SENP6: variants seen among roughly 807,000 people sequenced by gnomAD.
The protein encoded by SENP6 is SUMO specific peptidase 6.
In SENP6, 41 loss-of-function variants were observed where a neutral mutation model predicts 134.5. The observed-to-expected ratio is 0.30, with a 90% CI of 0.24 to 0.40. The LOEUF (loss-of-function observed/expected upper bound fraction) is 0.40, where lower values mean the gene tolerates loss of function less well. Among genes scored for constraint, SENP6 ranks in the 10% least tolerant of loss-of-function variants. SENP6 has a pLI of 1.00. For missense variants in SENP6, 1,248 were observed against 1,312.5 expected (o/e 0.95, Z 0.76); for synonymous variants, 395 against 429.8 (o/e 0.92, Z 1.00).
chr6:75,711,695 C>CA (rs544752152), intron 21 of SENP6, among the ~76,000 whole-genome samples: 335 of 152,280 alleles, frequency 2.2e-3, no homozygotes, highest in Middle Eastern at 0.01. Context: ...TTTTTTGAGA[C>CA]AGAGTCTTGC....
chr6:75,694,736 T>C (rs531320873), intron 16 of SENP6, among the ~76,000 whole-genome samples: 1 of 152,384 alleles, frequency 6.6e-6, no homozygotes, highest in East Asian at 1.9e-4. Context: ...ATTTCAGATA[T>C]TTCATTGTAT....
chr6:75,609,294 A>C (rs766151227), intron 1 of SENP6, among the ~76,000 whole-genome samples: 11 of 152,206 alleles, frequency 7.2e-5, no homozygotes, highest in Non-Finnish European at 1.3e-4. Context: ...GAACAAGAGA[A>C]GGAAAAATAA....
Position 75,666,837 on chromosome 6 carries a change from C to T in SENP6, c.1120C>T (p.Leu374=). ...ATCCACTGGAAAAGTAGAAGCAGCG[C>T]TAAATGAAAATACTTGCAGAGCAGA... ...APSTGKVEAA[L]NENTCRAERE... is the part of the protein sequence containing the mutation. Residue 374 remains leucine (L), a synonymous_variant, in exon 10 of 24, where the codon CTA becomes TTA. Coordinates refer to ENST00000447266, the MANE Select transcript of SENP6 (RefSeq NM_015571.4). The T allele has an allele frequency of 6.2e-7, 1 of 1,613,742 alleles. No homozygotes were observed. The highest frequency in any genetic ancestry group is 8.5e-7 in the Non-Finnish European group (1 of 1,179,700).
chr6:75,639,621 C>G (rs1464498270), intron 5 of SENP6, among the ~76,000 whole-genome samples: 1 of 151,830 alleles, frequency 6.6e-6, no homozygotes, highest in African/African-American at 2.4e-5. Flanking sequence ...TCATTTTATT[C>G]TAAATTGAGG....
chr6:75,692,332 A>G (rs1206866304), intron 16 of SENP6, among the ~76,000 whole-genome samples: 3 of 152,174 alleles, frequency 2.0e-5, no homozygotes, highest in Non-Finnish European at 4.4e-5. Flanking sequence ...TTAAAAGCAT[A>G]AATTAGGCCA....
At chr6:75,647,241 G>A (rs1306347934) in intron 6 of SENP6, 3 of 152,016 alleles carry the variant, frequency 2.0e-5, no homozygotes, top group Non-Finnish European at 2.9e-5. Flanking sequence ...AATTAGTGTT[G>A]TGTTTAAATA....
intron 3 of SENP6, among the ~76,000 whole-genome samples, chr6:75,631,661 A>G (rs1361034634): frequency 6.6e-6 from 1 of 152,238 alleles, no homozygotes; most frequent in Non-Finnish European, 1.5e-5. Flanking sequence ...TTATTTATAA[A>G]TTGTCTATGG....
chr6:75,622,084 C>G (rs1228197713), intron 2 of SENP6, among the ~76,000 whole-genome samples: 1 of 152,142 alleles, frequency 6.6e-6, no homozygotes, highest in Non-Finnish European at 1.5e-5. Flanking sequence ...AGGTCAGATT[C>G]TCACCAGAGA....
At chr6:75,673,889 C>CG (rs545651177) in intron 11 of SENP6, among the ~76,000 whole-genome samples, 387 of 151,648 alleles carry the variant, frequency 2.6e-3, no homozygotes, top group Middle Eastern at 0.01. Context: ...GGTGTGGTGG[C>CG]GTGCACCCGT....
chr6:75,609,091 G>A (rs927277966), intron 1 of SENP6, among the ~76,000 whole-genome samples: 1 of 151,340 alleles, frequency 6.6e-6, no homozygotes, highest in African/African-American at 2.4e-5. Context: ...AGGAACTTGA[G>A]GTATAGAAGG....
At chr6:75,643,921 C>G (rs189997931) in intron 6 of SENP6, among the ~76,000 whole-genome samples, 18 of 152,138 alleles carry the variant, frequency 1.2e-4, no homozygotes, top group African/African-American at 4.1e-4. Context: ...TAAAGCAAGG[C>G]AAACAACAAT....
chr6:75,637,130 C>T (rs1026138729), intron 5 of SENP6, among the ~76,000 whole-genome samples: 9 of 152,124 alleles, frequency 5.9e-5, no homozygotes, highest in Non-Finnish European at 1.2e-4. Flanking sequence ...CCTGCCTCAG[C>T]ACCGTAAAGT....
At chr6:75,639,956 TCTC>T (rs1227385410) in intron 5 of SENP6, among the ~76,000 whole-genome samples, 2 of 152,226 alleles carry the variant, frequency 1.3e-5, no homozygotes, top group Admixed American at 6.5e-5. Flanking sequence ...ACAACAGTAG[TCTC>T]CTCCTTATTT....
intron 16 of SENP6, among the ~76,000 whole-genome samples, chr6:75,690,241 C>T (rs1357786651): frequency 6.6e-6 from 1 of 152,228 alleles, no homozygotes; most frequent in Non-Finnish European, 1.5e-5. Flanking sequence ...CATATTTGCA[C>T]ACCCATGTTC....
chr6:75,655,826 A>G (rs992922766), intron 7 of SENP6, among the ~76,000 whole-genome samples: 1 of 152,078 alleles, frequency 6.6e-6, no homozygotes, highest in African/African-American at 2.4e-5. Context: ...AATGTCTTCT[A>G]TTTATATCGA....
chr6:75,612,851 C>T (rs1052256570), intron 1 of SENP6, among the ~76,000 whole-genome samples: 2 of 152,136 alleles, frequency 1.3e-5, no homozygotes, highest in African/African-American at 4.8e-5. Flanking sequence ...CAGTGGCTCA[C>T]GTCTGTAATC....
At chr6:75,649,397 G>T (rs1770695632) in intron 7 of SENP6, among the ~76,000 whole-genome samples, 1 of 152,154 alleles carries the variant, frequency 6.6e-6, no homozygotes, top group African/African-American at 2.4e-5. Context: ...AGCCAGGCTT[G>T]TTACCAATAA....
intron 3 of SENP6, among the ~76,000 whole-genome samples, chr6:75,628,524 T>C (rs1042970539): frequency 3.3e-5 from 5 of 152,184 alleles, no homozygotes; most frequent in African/African-American, 4.8e-5. Flanking sequence ...TTAGTTCATC[T>C]ATTCATTAAT....
chr6:75,604,521 A>AC (rs1766878973), intron 1 of SENP6, among the ~76,000 whole-genome samples: 1 of 151,802 alleles, frequency 6.6e-6, no homozygotes, highest in South Asian at 2.1e-4. Flanking sequence ...AGTCCCAGCT[A>AC]CTGCGGAGGC....
Sources: gnomAD v4.1 joint callset for allele counts (sites outside exome capture counted in the v4.1 genomes callset) on GRCh38, gnomAD v4.1.1 for gene constraint, MANE v1.5 for transcripts, NCBI Gene and HGNC (gene_info 2026-07-23, HGNC 2026-07-21) for gene names.